OCSTAMP: variants seen among roughly 807,000 people sequenced by gnomAD.
OCSTAMP encodes the protein osteoclast stimulatory transmembrane protein, also known as transmembrane protein C20orf123.
OCSTAMP carries 17 observed loss-of-function variants against 25.2 expected under a neutral mutation model. That is an observed-to-expected ratio of 0.68 (90% CI 0.46 to 1.01). OCSTAMP has a LOEUF of 1.01. Ranked by LOEUF, OCSTAMP falls within the 50% of genes least tolerant of loss-of-function variation. The pLI is 0.00. For synonymous variants in OCSTAMP, 345 were observed against 318.9 expected (o/e 1.08, Z -0.87); for missense variants, 664 against 694.6 (o/e 0.96, Z 0.50).
intron 2 of OCSTAMP, 134 bp downstream of exon 2, chr20:46,545,193 A>T: frequency 5.8e-6 from 4 of 690,958 alleles, no homozygotes; most frequent in Non-Finnish European, 8.9e-6. Flanking sequence ...TGCCCATGGT[A>T]TGGGGCCCCA....
rs947175643 is a variant in OCSTAMP at position 46,541,520 on chromosome 20, C to A, written c.1455G>T (p.Arg485Ser). The A allele has an allele frequency of 6.4e-7, 1 of 1,551,736 alleles. No individual in the cohort carries two copies. Reference sequence around the variant, plus strand: ...TGCTCTCGGTTCTTAAGGCATCCAGCCTGTAGTCTATCCATGCCGGAGGCT... The same window carrying A: ...TGCTCTCGGTTCTTAAGGCATCCAGACTGTAGTCTATCCATGCCGGAGGCT... ...ACKPPAWIDY[R>S]LDALRTESSE... Residue 485 changes from arginine to serine, a missense_variant, in exon 3 of 3, where the codon AGG becomes AGT. Physicochemically the swap from Arg to Ser is moderately radical, Grantham distance 110. Transcript: ENST00000279028.
chr20:46,546,558 C>T (rs991039564), intron 1 of OCSTAMP, among the ~76,000 whole-genome samples: 22 of 152,192 alleles, frequency 1.4e-4, no homozygotes, highest in African/African-American at 2.7e-4. Flanking sequence ...GGGAAGAGCC[C>T]AATTCCCATG....
chr20:46,541,884 T>C lies in OCSTAMP; in HGVS notation c.1091A>G (p.Gln364Arg). 1 of 1,462,490 alleles carries C rather than the reference T, an allele frequency of 6.8e-7. No individual in the cohort carries two copies. Among genetic ancestry groups the C allele is most frequent in the South Asian group, 1.5e-5 (1 of 67,634 alleles). 90.6% of individuals were successfully genotyped at this position (1,462,490 alleles called of 1,614,324 possible). Residue 364 changes from glutamine to arginine, a missense_variant, in exon 3 of 3, where the codon CAG becomes CGG. By Grantham distance (43) the Gln-to-Arg change is conservative. Coordinates refer to ENST00000279028, the MANE Select transcript of OCSTAMP (RefSeq NM_080721.3). ...VLGFIPFLFN[Q>R]LAPESPFLSV... Reference sequence around the variant, plus strand: ...GAGGAAGGGGCTCTCCGGAGCCAGCTGGTTGAAGAGGAAAGGGATGAAGCC... The same window carrying C: ...GAGGAAGGGGCTCTCCGGAGCCAGCCGGTTGAAGAGGAAAGGGATGAAGCC...
intron 1 of OCSTAMP, among the ~76,000 whole-genome samples, chr20:46,547,737 G>A (rs561596739): frequency 2.7e-4 from 41 of 152,282 alleles, no homozygotes; most frequent in African/African-American, 9.4e-4. Context: ...AGGAAACACA[G>A]ATACAGACAA....
chr20:46,541,659 G>C lies in OCSTAMP; in HGVS notation c.1316C>G (p.Ala439Gly). ...IAASFFTAQE[A>G]RRVRHLHARL... ...GGCGTGCAGGTGGCGGACCCTCCTC[G>C]CCTCCTGGGCTGTGAAGAAGGAAGC... is the stretch of plus-strand genomic sequence containing the variant. The change falls in exon 3 of 3, where the codon GCG becomes GGG. Residue 439 changes from alanine to glycine, a missense_variant. Coordinates refer to ENST00000279028, the MANE Select transcript of OCSTAMP (RefSeq NM_080721.3). The C allele has an allele frequency of 6.4e-7, 1 of 1,550,722 alleles. No homozygotes were observed. Among genetic ancestry groups the C allele is most frequent in the Non-Finnish European group, 8.7e-7 (1 of 1,146,972 alleles).
chr20:46,545,599 C>T lies in OCSTAMP; in HGVS notation c.775G>A (p.Ala259Thr), dbSNP rs374147059. Residue 259 changes from alanine (A) to threonine (T), a missense_variant, in exon 2 of 3, where the codon GCC becomes ACC. Transcript: ENST00000279028. ...LTDLRFDNIY[A>T]TQQLTQRLAQ... is the part of the protein sequence containing the mutation. ...AACCGCTGGGTCAGCTGTTGAGTGG[C>T]GTAGATATTGTCAAACCGCAGGTCT... The T allele has an allele frequency of 2.4e-4, 369 of 1,551,518 alleles. No homozygotes were observed. Among genetic ancestry groups the T allele is most frequent in the Non-Finnish European group, 3.0e-4 (347 of 1,146,984 alleles).
At chr20:46,548,378 A>G (rs1365489856) in intron 1 of OCSTAMP, among the ~76,000 whole-genome samples, 1 of 152,222 alleles carries the variant, frequency 6.6e-6, no homozygotes, top group East Asian at 1.9e-4. Context: ...CCAAGTGCCT[A>G]CAATAGTGTC....
intron 1 of OCSTAMP, among the ~76,000 whole-genome samples, chr20:46,549,616 G>A (rs2061863972): frequency 6.6e-6 from 1 of 152,106 alleles, no homozygotes; most frequent in Non-Finnish European, 1.5e-5. Context: ...GAAGAAGGGA[G>A]TTGGACATCC....
rs1307204287 is a variant in OCSTAMP, at chr20:46,545,741, G to T, written c.633C>A (p.Phe211Leu). The T allele has an allele frequency of 6.4e-7, 1 of 1,551,532 alleles. No homozygotes were observed. The highest frequency in any genetic ancestry group is 8.7e-7 in the Non-Finnish European group (1 of 1,147,004). ...LRVTQQVLED[F>L]SGLESLARAA... ...CCCGGGCCAGGGACTCCAGGCCAGA[G>T]AAATCCTCCAGGACCTGCTGAGTGA... is the stretch of plus-strand genomic sequence containing the variant. The change falls in exon 2 of 3, where the codon TTC becomes TTA. Residue 211 changes from phenylalanine to leucine, a missense_variant. Coordinates refer to ENST00000279028, the MANE Select transcript of OCSTAMP (RefSeq NM_080721.3).
intron 2 of OCSTAMP, 53 bp downstream of exon 2, chr20:46,545,273 TC>T: frequency 7.1e-7 from 1 of 1,411,346 alleles, no homozygotes; most frequent in South Asian, 1.5e-5. Context: ...TAACAGATTC[TC>T]CCCCTGCCCT....
At chr20:46,546,485 C>T (rs988015807) in intron 1 of OCSTAMP, among the ~76,000 whole-genome samples, 156 bp from the exon 2 acceptor site, 1 of 152,172 alleles carries the variant, frequency 6.6e-6, no homozygotes, top group African/African-American at 2.4e-5. Flanking sequence ...TCACTGTATA[C>T]CCACGTGACA....
At chr20:46,546,532 C>G (rs142132848) in intron 1 of OCSTAMP, among the ~76,000 whole-genome samples, 42 of 152,214 alleles carry the variant, frequency 2.8e-4, no homozygotes, top group Non-Finnish European at 5.6e-4. Flanking sequence ...CAGGATTACT[C>G]TCGCTGGAAC....
In OCSTAMP at chr20:46,545,926, T is replaced by G; in HGVS notation, c.448A>C (p.Arg150=). Residue 150 remains arginine, a synonymous_variant, in exon 2 of 3, where the codon AGG becomes CGG. Transcript: ENST00000279028. ...ANVGAAGQVL[R]CVTEGSLESL... ...TCCAGGGAGCCCTCGGTGACACACC[T>G]CAGCACCTGCCCGGCCGCACCCACG... is the stretch of plus-strand genomic sequence containing the variant. 6.4e-7 allele frequency: 1 copy of G among 1,551,340 alleles called. No homozygotes were observed. Among genetic ancestry groups the G allele is most frequent in the Non-Finnish European group, 8.7e-7 (1 of 1,146,986 alleles).
intron 2 of OCSTAMP, 30 bp from the exon 3 acceptor site, chr20:46,541,957 C>T (rs1486341871): frequency 3.5e-6 from 5 of 1,412,788 alleles, no homozygotes; most frequent in East Asian, 5.4e-5. Flanking sequence ...GCAGGGTCAA[C>T]TGAGGGCCTC....
rs891448326 is a variant in OCSTAMP, at chr20:46,541,769, C to A, written c.1206G>T (p.Pro402=). Residue 402 remains proline (P), a synonymous_variant, in exon 3 of 3, where the codon CCG becomes CCT. Transcript: ENST00000279028. ...LPARRPRAAA[P]LAAGALQLLA... is the part of the protein sequence containing the mutation. ...GGAGCTGCAGGGCCCCCGCGGCCAG[C>A]GGGGCAGCTGCGCGGGGACGCCGGG... 7 of 1,527,672 alleles carry A rather than the reference C, an allele frequency of 4.6e-6. No individual in the cohort carries two copies. The African/African-American group carries it at 5.5e-5, about 12-fold the overall frequency. 94.6% of individuals were successfully genotyped at this position (1,527,672 alleles called of 1,614,324 possible).
rs1408433506 is a variant in OCSTAMP, at chr20:46,545,957, C to G, written c.417G>C (p.Leu139=). ...TLAIAVVPNV[L]ANVGAAGQVL... is the part of the protein sequence containing the mutation. ...CCTGCCCGGCCGCACCCACGTTGGCCAGGACGTTGGGCACCACAGCAATGG... is the reference window on the plus strand; with the variant it reads ...CCTGCCCGGCCGCACCCACGTTGGCGAGGACGTTGGGCACCACAGCAATGG... The change falls in exon 2 of 3, where the codon CTG becomes CTC. Residue 139 remains leucine (L), a synonymous_variant. Transcript: ENST00000279028. 5.8e-6 allele frequency: 9 copies of G among 1,551,280 alleles called. No individual in the cohort carries two copies. The Middle Eastern group carries it at 6.7e-4, about 115-fold the overall frequency.
At chr20:46,542,638 T>A (rs921346991) in intron 2 of OCSTAMP, among the ~76,000 whole-genome samples, 4 of 149,002 alleles carry the variant, frequency 2.7e-5, no homozygotes, top group Admixed American at 1.3e-4. Flanking sequence ...AACTCAGGGA[T>A]CAGTCTCAGC....
Position 46,541,410 on chromosome 20 carries a change from C to G in OCSTAMP, c.1565G>C (p.Gly522Ala), listed in dbSNP as rs1252865212. The change falls in exon 3 of 3, where the codon GGT becomes GCT. Residue 522 changes from glycine to alanine, a missense_variant. By Grantham distance (60) the Gly-to-Ala change is moderately conservative. Transcript: ENST00000279028. ...GPVPPPCVTL[G>A]KSLHLSEPRF... Reference sequence around the variant, plus strand: ...AGGCTCAGAGAGGTGAAGTGACTTACCCAAGGTCACACAGGGAGGCGGCAC... The same window carrying G: ...AGGCTCAGAGAGGTGAAGTGACTTAGCCAAGGTCACACAGGGAGGCGGCAC... The G allele has an allele frequency of 2.4e-6, 3 of 1,273,486 alleles. No homozygotes were observed. In the African/African-American group the frequency reaches 4.5e-5, roughly 19 times the overall value. 78.9% of individuals were successfully genotyped at this position (1,273,486 alleles called of 1,614,324 possible). A position where few individuals can be genotyped will look rare whatever the true frequency, so the allele number is the denominator to read the frequency against.
chr20:46,549,673 G>A (rs907613642), intron 1 of OCSTAMP, among the ~76,000 whole-genome samples: 10 of 152,250 alleles, frequency 6.6e-5, no homozygotes, highest in South Asian at 6.2e-4. Context: ...TCTGACCATC[G>A]GGAAATAGGG....
Sources: allele counts gnomAD v4.1 joint callset (sites outside exome capture counted in the v4.1 genomes callset), GRCh38; gene constraint gnomAD v4.1.1; transcripts MANE v1.5; gene names NCBI Gene and HGNC (gene_info 2026-07-23, HGNC 2026-07-21).